The following SPG21 variants were observed in gnomAD, a reference collection of about 807,000 sequenced individuals.
SPG21 encodes the protein maspardin.
In SPG21, 26 loss-of-function variants were observed where a neutral mutation model predicts 38.9. That is an observed-to-expected ratio of 0.67 (90% CI 0.49 to 0.93). The LOEUF (loss-of-function observed/expected upper bound fraction) is 0.93. Ranked by LOEUF, SPG21 falls within the 40% of genes least tolerant of loss-of-function variation. SPG21 has a pLI of 0.00. For missense variants in SPG21, 333 were observed against 376.5 expected (o/e 0.88, Z 0.96); for synonymous variants, 136 against 128.9 (o/e 1.05, Z -0.37).
intron 2 of SPG21, chr15:64,981,292 T>C (rs939942239): frequency 7.2e-5 from 19 of 262,610 alleles, no homozygotes; most frequent in East Asian, 3.9e-4. Context: ...CCTCCTCCTT[T>C]TTTTTTTTTT....
At chr15:64,968,959 C>G (rs2140414716) in intron 7 of SPG21, among the ~76,000 whole-genome samples, 1 of 152,046 alleles carries the variant, frequency 6.6e-6, no homozygotes, top group Non-Finnish European at 1.5e-5. Context: ...CCAGGCTGGT[C>G]CTGAACTCTT....
At chr15:64,981,609 T>C (rs1265647508) in intron 2 of SPG21, 1 of 150,358 alleles carries the variant, frequency 6.7e-6, no homozygotes, top group Non-Finnish European at 1.5e-5. Flanking sequence ...CTCTTTAAAA[T>C]ACATAAATAA....
At chr15:64,986,232 G>A in intron 1 of SPG21, among the ~76,000 whole-genome samples, 1 of 151,972 alleles carries the variant, frequency 6.6e-6, no homozygotes, top group Non-Finnish European at 1.5e-5. Context: ...CTGGCGTGGT[G>A]GCGCACGCCC....
chr15:64,974,806 A>G, intron 4 of SPG21, 59 bp from the exon 5 acceptor site: 1 of 1,606,430 alleles, frequency 6.2e-7, no homozygotes, highest in Non-Finnish European at 8.5e-7. Context: ...GAACCTGAGT[A>G]TTAAAAAGTT....
intron 8 of SPG21, among the ~76,000 whole-genome samples, chr15:64,964,883 G>A (rs566212891): frequency 6.6e-6 from 1 of 152,248 alleles, no homozygotes; most frequent in South Asian, 2.1e-4. Flanking sequence ...GCCTGCCTCA[G>A]CCTCGCAAAG....
At chr15:64,978,977 C>T (rs2085835344) in intron 3 of SPG21, among the ~76,000 whole-genome samples, 1 of 152,094 alleles carries the variant, frequency 6.6e-6, no homozygotes, top group African/African-American at 2.4e-5. Context: ...TGTGAATCTA[C>T]AATTACAACA....
At chr15:64,972,153 A>C (rs1006200973) in intron 5 of SPG21, among the ~76,000 whole-genome samples, 1 of 152,156 alleles carries the variant, frequency 6.6e-6, no homozygotes, top group African/African-American at 2.4e-5. Flanking sequence ...CTGGAAGTTG[A>C]GCTTCCCTCA....
At chr15:64,989,184 C>T (rs1427058386) in intron 1 of SPG21, 1 of 152,054 alleles carries the variant, frequency 6.6e-6, no homozygotes, top group Non-Finnish European at 1.5e-5. Context: ...ACCTGGCCCA[C>T]ACTCAGTAAC....
intron 5 of SPG21, 39 bp downstream of exon 5, chr15:64,974,563 C>G (rs2085738273): frequency 6.2e-7 from 1 of 1,613,280 alleles, no homozygotes; most frequent in African/African-American, 1.3e-5. Context: ...CCAACATTTT[C>G]AAAATTTCAC....
At chr15:64,981,512 A>G (rs1185079164) in intron 2 of SPG21, 7 of 163,800 alleles carry the variant, frequency 4.3e-5, no homozygotes, top group Admixed American at 4.2e-4. Flanking sequence ...GCTGGTCTCG[A>G]ACTCCTGAGC....
intron 6 of SPG21, among the ~76,000 whole-genome samples, chr15:64,969,588 G>A (rs142934428): frequency 2.6e-5 from 4 of 152,164 alleles, no homozygotes; most frequent in African/African-American, 7.2e-5. Context: ...AATGAAACCC[G>A]GCCTTCTACA....
chr15:64,983,504 T>C lies in SPG21; in HGVS notation c.63+3A>G, dbSNP rs1202820000. On this transcript the variant is annotated splice_donor_region_variant and intron_variant, in intron 2 of 8. Coordinates refer to ENST00000204566, the MANE Select transcript of SPG21 (RefSeq NM_016630.7). ...ATAAGAGGTATAGTAAAACCATACA[T>C]ACCTTTTTAAGGGGAACTGTACCTC... The C allele has an allele frequency of 3.2e-6, 5 of 1,569,474 alleles. No individual in the cohort carries two copies. In the South Asian group the frequency reaches 4.6e-5, roughly 15 times the overall value.
At position 64,981,167 on chromosome 15, in the gene SPG21, T is replaced by C. The variant is rs1449853442; in HGVS notation, c.64-142A>G. On this transcript the variant is annotated intron_variant, in intron 2 of 8. Coordinates refer to ENST00000204566, the MANE Select transcript of SPG21 (RefSeq NM_016630.7). Reference sequence around the variant, plus strand: ...ACCTGGAGCTCACACCAGATTAGCATGCATGACAAACTCCTCTGATCTCCT... The same window carrying C: ...ACCTGGAGCTCACACCAGATTAGCACGCATGACAAACTCCTCTGATCTCCT... 3.2e-6 allele frequency: 3 copies of C among 929,250 alleles called. No individual in the cohort carries two copies. In the African/African-American group the frequency reaches 5.0e-5, roughly 15 times the overall value. The allele number at this position is 929,250 out of a possible 1,614,324, so 57.6% of individuals were successfully genotyped here.
At chr15:64,971,538 C>CAAAAAAAAAAAAAAAAAAAAAA (rs1465826376) in intron 5 of SPG21, among the ~76,000 whole-genome samples, 4 of 143,992 alleles carry the variant, frequency 2.8e-5, no homozygotes, top group African/African-American at 1.0e-4. Flanking sequence ...GACTCCGTCT[C>CAAAAAAAAAAAAAAAAAAAAAA]CAAAAAAAAA....
chr15:64,970,334 TC>T, intron 5 of SPG21, 112 bp from the exon 6 acceptor site: 1 of 886,308 alleles, frequency 1.1e-6, no homozygotes, highest in East Asian at 2.5e-5. Context: ...AAAGTCCTAA[TC>T]CCCTCCTCCA....
intron 5 of SPG21, among the ~76,000 whole-genome samples, chr15:64,973,000 G>A (rs2085701552): frequency 6.6e-6 from 1 of 152,110 alleles, no homozygotes; most frequent in Non-Finnish European, 1.5e-5. Context: ...GTCTTGCTCT[G>A]TCACCCAGCC....
intron 8 of SPG21, 24 bp from the exon 9 acceptor site, chr15:64,963,760 T>G (rs2085493560): frequency 1.2e-6 from 2 of 1,601,624 alleles, no homozygotes; most frequent in East Asian, 4.5e-5. Flanking sequence ...GAATCATTAT[T>G]TTATTTATTT....
At chr15:64,964,507 G>A (rs1416048382) in intron 8 of SPG21, among the ~76,000 whole-genome samples, 48 of 152,130 alleles carry the variant, frequency 3.2e-4, no homozygotes, top group Admixed American at 3.0e-3. Context: ...GCGTGGCCAG[G>A]ATATAACTGG....
rs2085631843 is a variant in SPG21 at position 64,970,106 on chromosome 15, A to T, written c.561+8T>A. The T allele has an allele frequency of 6.2e-7, 1 of 1,607,694 alleles. No individual in the cohort carries two copies. Among genetic ancestry groups the T allele is most frequent in the African/African-American group, 1.3e-5 (1 of 74,794 alleles). On this transcript the variant is annotated splice_region_variant and intron_variant, in intron 6 of 8. Transcript: ENST00000204566. ...AATGTGTCCCCAACCCAATGTCATG[A>T]TCCTTACCCTGTCTACCATGAAATC...
Sources: gnomAD v4.1 joint callset for allele counts (sites outside exome capture counted in the v4.1 genomes callset) on GRCh38, gnomAD v4.1.1 for gene constraint, MANE v1.5 for transcripts, NCBI Gene and HGNC (gene_info 2026-07-23, HGNC 2026-07-21) for gene names.